GLRB: variants seen among roughly 807,000 people sequenced by gnomAD.
The protein encoded by GLRB is glycine receptor beta.
Under a neutral mutation model 54.2 loss-of-function variants are expected in GLRB, and 33 were observed. The ratio of observed to expected loss-of-function variants is 0.61; its 90% confidence interval spans 0.46 to 0.81. The LOEUF (loss-of-function observed/expected upper bound fraction) is 0.81. GLRB is among the 40% of genes least tolerant of loss of function. The pLI is 0.00. For missense variants in GLRB, 572 were observed against 584.6 expected, an observed-to-expected ratio of 0.98 and a Z score of 0.22; for synonymous variants, 209 against 208.2, an observed-to-expected ratio of 1.00 and a Z score of -0.03.
At chr4:157,080,156 G>C (rs1734174524) in intron 2 of GLRB, among the ~76,000 whole-genome samples, 1 of 152,066 alleles carries the variant, frequency 6.6e-6, no homozygotes, top group South Asian at 2.1e-4. Context: ...AGTTATTTAA[G>C]ACAGATTTTC....
chr4:157,087,722 A>G (rs892393490), intron 2 of GLRB, among the ~76,000 whole-genome samples: 6 of 152,046 alleles, frequency 3.9e-5, no homozygotes, highest in East Asian at 1.9e-4. Context: ...AGGAAGGTGA[A>G]TTGTCTGCAT....
At chr4:157,151,387 G>A (rs1737017388) in intron 8 of GLRB, among the ~76,000 whole-genome samples, 1 of 152,000 alleles carries the variant, frequency 6.6e-6, no homozygotes, top group Non-Finnish European at 1.5e-5. Context: ...TTTGACCACA[G>A]TTTGATTGCA....
In GLRB at chr4:157,170,656, T is replaced by C. The variant is rs1026763032; in HGVS notation, c.1422T>C (p.Asp474=). Residue 474 remains aspartate, a synonymous_variant, in exon 10 of 10, where the codon GAT becomes GAC. Coordinates refer to ENST00000264428, the MANE Select transcript of GLRB (RefSeq NM_000824.5). ...TTCCAACAGCAGCAAAGCGAATTGA[T>C]CTTTATGCAAGAGCATTGTTTCCTT... ...PVIPTAAKRI[D]LYARALFPFC... 8 of 1,610,266 alleles carry C rather than the reference T, an allele frequency of 5.0e-6. No homozygotes were observed. The highest frequency in any genetic ancestry group is 6.8e-6 in the Non-Finnish European group (8 of 1,177,058).
rs757597798 is a variant in GLRB, at chr4:157,122,402, G to T, written c.297+5G>T. Reference sequence around the variant, plus strand: ...TCCATTCAAGAAACAACAATGGTAAGATTGCAATTAATTTAATATTTTGTC... The same window carrying T: ...TCCATTCAAGAAACAACAATGGTAATATTGCAATTAATTTAATATTTTGTC... On this transcript the variant is annotated splice_donor_5th_base_variant and intron_variant, in intron 4 of 9. Coordinates refer to ENST00000264428, the MANE Select transcript of GLRB (RefSeq NM_000824.5). 1 of 1,082,196 alleles carries T rather than the reference G, an allele frequency of 9.2e-7. No homozygotes were observed. The highest frequency in any genetic ancestry group is 1.4e-6 in the Non-Finnish European group (1 of 711,022). The allele number at this position is 1,082,196 out of a possible 1,614,324, so 67.0% of individuals were successfully genotyped here. A position where few individuals can be genotyped will look rare whatever the true frequency, so the allele number is the denominator to read the frequency against.
intron 2 of GLRB, among the ~76,000 whole-genome samples, chr4:157,120,264 A>G (rs2126529470): frequency 6.7e-6 from 1 of 149,702 alleles, no homozygotes; most frequent in Non-Finnish European, 1.5e-5. Flanking sequence ...GGATAGCTTT[A>G]GGAGATATAC....
At chr4:157,131,312 G>A (rs562718132) in intron 4 of GLRB, among the ~76,000 whole-genome samples, 81 of 151,758 alleles carry the variant, frequency 5.3e-4, no homozygotes, top group Non-Finnish European at 1.1e-3. Flanking sequence ...CACTTTTTAA[G>A]AGTAGACTCG....
intron 4 of GLRB, among the ~76,000 whole-genome samples, chr4:157,131,452 T>C (rs920546001): frequency 1.3e-5 from 2 of 151,754 alleles, no homozygotes; most frequent in African/African-American, 4.8e-5. Context: ...GTTTATCTTT[T>C]ATATTAGGTT....
At chr4:157,112,727 C>T (rs914775371) in intron 2 of GLRB, among the ~76,000 whole-genome samples, 2 of 151,818 alleles carry the variant, frequency 1.3e-5, no homozygotes, top group African/African-American at 4.8e-5. Context: ...GGGACCCAGC[C>T]ACCTTCATAT....
rs186006834 is a variant in GLRB, at chr4:157,129,189, G to C, written c.297+6792G>C. Among the ~76,000 whole-genome samples the C allele has an allele frequency of 2.6e-3, 391 of 151,710 alleles. 5 individuals carry two copies. Among genetic ancestry groups the C allele is most frequent in the East Asian group, 9.7e-4 (5 of 5,136 alleles). On this transcript the variant is annotated intron_variant, in intron 4 of 9. Transcript: ENST00000264428. ...GATAATGATTAATAGTGTGTTATTTGGAATGAACAATGAATAGTATTTGTC... is the reference window on the plus strand; with the variant it reads ...GATAATGATTAATAGTGTGTTATTTCGAATGAACAATGAATAGTATTTGTC...
In GLRB at chr4:157,170,737, T is replaced by C; in HGVS notation, c.*9T>C. The C allele has an allele frequency of 7.2e-7, 1 of 1,392,644 alleles. No individual in the cohort carries two copies. The highest frequency in any genetic ancestry group is 9.7e-7 in the Non-Finnish European group (1 of 1,026,400). The allele number at this position is 1,392,644 out of a possible 1,614,324, so 86.3% of individuals were successfully genotyped here. On this transcript the variant is annotated 3_prime_UTR_variant, in exon 10 of 10. Transcript: ENST00000264428. ...GGTCTATATATTTATGATAAATCTT[T>C]TCCATTTGTACAAAATAAAATTCCA...
chr4:157,122,198 A>C lies in GLRB; in HGVS notation c.230-132A>C, dbSNP rs1579216643. 4 of 475,228 alleles carry C rather than the reference A, an allele frequency of 8.4e-6. No homozygotes were observed. In the East Asian group the frequency reaches 1.3e-4, roughly 15 times the overall value. The allele number at this position is 475,228 out of a possible 1,614,324, so 29.4% of individuals were successfully genotyped here. On this transcript the variant is annotated intron_variant, in intron 3 of 9. Coordinates refer to ENST00000264428, the MANE Select transcript of GLRB (RefSeq NM_000824.5). The stretch of plus-strand genomic sequence containing the variant: ...TAGCAATTATGAACATGTTATACTG[A>C]GACCATAGATTTTTTGCATTCCATA...
chr4:157,165,836 C>T (rs1396203965), intron 9 of GLRB, among the ~76,000 whole-genome samples: 5 of 151,946 alleles, frequency 3.3e-5, no homozygotes, highest in Admixed American at 3.3e-4. Flanking sequence ...CCTATGCCTA[C>T]AATTTTATAT....
At chr4:157,136,976 T>C in intron 6 of GLRB, 90 bp downstream of exon 6, 1 of 775,084 alleles carries the variant, frequency 1.3e-6, no homozygotes, top group South Asian at 1.4e-5. Flanking sequence ...ACAACAGTGG[T>C]AAAACTAGTG....
chr4:157,077,831 A>G (rs1159240176), intron 1 of GLRB, among the ~76,000 whole-genome samples, 165 bp from the exon 2 acceptor site: 1 of 151,782 alleles, frequency 6.6e-6, no homozygotes, highest in Admixed American at 6.6e-5. Context: ...TATATAAAAA[A>G]TACTAAATAT....
chr4:157,094,777 G>A (rs997014500), intron 2 of GLRB, among the ~76,000 whole-genome samples: 7 of 152,144 alleles, frequency 4.6e-5, no homozygotes, highest in African/African-American at 1.7e-4. Context: ...AATGGCATAA[G>A]CATTTGGTAA....
At chr4:157,137,483 C>CAA (rs77631342) in intron 6 of GLRB, among the ~76,000 whole-genome samples, 6 of 142,270 alleles carry the variant, frequency 4.2e-5, no homozygotes, top group African/African-American at 1.3e-4. Flanking sequence ...ACATAAACCT[C>CAA]AAAAAAAAAA....
Position 157,131,819 on chromosome 4 carries a change from C to G in GLRB, c.298-4650C>G, listed in dbSNP as rs555604214. Among the ~76,000 whole-genome samples the G allele has an allele frequency of 7.9e-5, 12 of 151,756 alleles. No individual in the cohort carries two copies. In the South Asian group the frequency reaches 2.5e-3, roughly 31 times the overall value. On this transcript the variant is annotated intron_variant, in intron 4 of 9. Transcript: ENST00000264428. Reference sequence around the variant, plus strand: ...TCTGAATGTACCACAGTTTACTTACCCATTTATCTACCGAATGACATTTTC... The same window carrying G: ...TCTGAATGTACCACAGTTTACTTACGCATTTATCTACCGAATGACATTTTC...
intron 9 of GLRB, among the ~76,000 whole-genome samples, chr4:157,166,735 G>A (rs1405742565): frequency 8.6e-5 from 13 of 151,926 alleles, no homozygotes; most frequent in African/African-American, 3.1e-4. Context: ...TAACCAATTT[G>A]CAGCTTTTTT....
At chr4:157,113,692 A>T (rs1180260324) in intron 2 of GLRB, among the ~76,000 whole-genome samples, 2 of 150,212 alleles carry the variant, frequency 1.3e-5, no homozygotes, top group Non-Finnish European at 3.0e-5. Context: ...AGGCTACAAC[A>T]GTTCCTGAAA....
Sources: gnomAD v4.1 joint callset for allele counts (sites outside exome capture counted in the v4.1 genomes callset) on GRCh38, gnomAD v4.1.1 for gene constraint, MANE v1.5 for transcripts, NCBI Gene and HGNC (gene_info 2026-07-23, HGNC 2026-07-21) for gene names.